Variants in TSPAN33 observed in about 807,000 individuals in gnomAD.
TSPAN33 encodes tetraspanin-33.
In TSPAN33, 27 loss-of-function variants were observed where a neutral mutation model predicts 34.8. The ratio of observed to expected loss-of-function variants is 0.78; its 90% CI spans 0.57 to 1.07. The LOEUF (loss-of-function observed/expected upper bound fraction) is 1.07, where lower values mean the gene tolerates loss of function less well. Among genes scored for constraint, TSPAN33 ranks in the 50% least tolerant of loss-of-function variants. The pLI, the probability that TSPAN33 is intolerant of heterozygous loss-of-function variation, is 0.00. For synonymous variants in TSPAN33, 119 were observed against 124.2 expected, an observed-to-expected ratio of 0.96 and a Z score of 0.28; for missense variants, 272 against 324.9, an observed-to-expected ratio of 0.84 and a Z score of 1.25.
chr7:129,157,972 A>G (rs1404671828), intron 1 of TSPAN33, among the ~76,000 whole-genome samples: 1 of 152,224 alleles, frequency 6.6e-6, no homozygotes, highest in Non-Finnish European at 1.5e-5. Flanking sequence ...GCTAAAATCA[A>G]ACAGATCTCG....
At chr7:129,160,115 G>C (rs1338677968) in intron 1 of TSPAN33, among the ~76,000 whole-genome samples, 2 of 152,202 alleles carry the variant, frequency 1.3e-5, no homozygotes, top group Admixed American at 6.5e-5. Flanking sequence ...TTTAGATAAA[G>C]GTTTGCCATT....
intron 1 of TSPAN33, among the ~76,000 whole-genome samples, chr7:129,147,880 G>T (rs910615468): frequency 1.3e-5 from 2 of 152,170 alleles, no homozygotes; most frequent in African/African-American, 2.4e-5. Context: ...AATTTTGGGG[G>T]ACTGGGACCA....
intron 1 of TSPAN33, among the ~76,000 whole-genome samples, chr7:129,154,961 A>G (rs1209184193): frequency 6.6e-6 from 1 of 152,238 alleles, no homozygotes; most frequent in Admixed American, 6.5e-5. Context: ...CTGCACTCCC[A>G]TGTTACTGCA....
intron 1 of TSPAN33, among the ~76,000 whole-genome samples, chr7:129,146,231 G>T (rs762435165): frequency 6.6e-6 from 1 of 152,154 alleles, no homozygotes; most frequent in Non-Finnish European, 1.5e-5. Flanking sequence ...CAGGGCCCGT[G>T]GGGTGAGGTG....
At chr7:129,145,221 A>G in intron 1 of TSPAN33, 139 bp downstream of exon 1, 1 of 448,462 alleles carries the variant, frequency 2.2e-6, no homozygotes, top group Non-Finnish European at 4.0e-6. Flanking sequence ...TATCCTGGGG[A>G]GGGACACCCC....
chr7:129,145,487 C>G (rs1200789163), intron 1 of TSPAN33, among the ~76,000 whole-genome samples: 1 of 151,994 alleles, frequency 6.6e-6, no homozygotes, highest in African/African-American at 2.4e-5. Flanking sequence ...ACCCAAACCT[C>G]TCTCTCCACC....
intron 1 of TSPAN33, among the ~76,000 whole-genome samples, chr7:129,147,157 T>TA (rs1419253136): frequency 2.6e-5 from 4 of 152,070 alleles, no homozygotes; most frequent in African/African-American, 9.7e-5. Context: ...AGTAGACTCA[T>TA]AAAAAATCAG....
At chr7:129,160,839 A>G (rs982639184) in intron 1 of TSPAN33, among the ~76,000 whole-genome samples, 25 of 152,362 alleles carry the variant, frequency 1.6e-4, no homozygotes, top group African/African-American at 5.0e-4. Context: ...TTCGAATTCA[A>G]AACTTTTCCA....
intron 1 of TSPAN33, among the ~76,000 whole-genome samples, chr7:129,151,913 G>T (rs1342458790): frequency 2.0e-5 from 3 of 152,168 alleles, no homozygotes; most frequent in African/African-American, 7.2e-5. Context: ...TAATATGTTT[G>T]CCTCCTCACA....
chr7:129,161,795 C>T, intron 2 of TSPAN33, 59 bp downstream of exon 2: 4 of 1,603,624 alleles, frequency 2.5e-6, no homozygotes, highest in Non-Finnish European at 3.4e-6. Flanking sequence ...TCCCCTCTGC[C>T]TCCTTCAGCC....
intron 1 of TSPAN33, among the ~76,000 whole-genome samples, chr7:129,154,104 GT>G: frequency 6.6e-6 from 1 of 152,182 alleles, no homozygotes; most frequent in East Asian, 1.9e-4. Context: ...GACCAATGAG[GT>G]AGGATCACCA....
intron 1 of TSPAN33, among the ~76,000 whole-genome samples, chr7:129,155,656 GTT>G (rs34953537): frequency 1.3e-5 from 2 of 149,604 alleles, no homozygotes; most frequent in Non-Finnish European, 3.0e-5. Flanking sequence ...CACTTTATTG[GTT>G]TTTTTTTTCA....
chr7:129,160,163 A>G (rs934169787), intron 1 of TSPAN33, among the ~76,000 whole-genome samples: 1 of 152,228 alleles, frequency 6.6e-6, no homozygotes, highest in African/African-American at 2.4e-5. Context: ...GCCAGATGGC[A>G]GAGGACCTTC....
Position 129,167,552 on chromosome 7 carries a change from A to G in TSPAN33, c.742A>G (p.Ile248Val). The G allele has an allele frequency of 6.2e-7, 1 of 1,613,836 alleles. No individual in the cohort carries two copies. Among genetic ancestry groups the G allele is most frequent in the Non-Finnish European group, 8.5e-7 (1 of 1,179,798 alleles). ...LLGGVALGLA[I>V]PQLVGILLSQ... Reference sequence around the variant, plus strand: ...TGGTGGTGTGGCTCTAGGCCTGGCCATCCCCCAGGTAACTTACCCTGTGAG... The same window carrying G: ...TGGTGGTGTGGCTCTAGGCCTGGCCGTCCCCCAGGTAACTTACCCTGTGAG... Residue 248 changes from isoleucine to valine, a missense_variant, in exon 7 of 8, where the codon ATC (isoleucine) becomes GTC (valine). Coordinates refer to ENST00000486685, the MANE Select transcript of TSPAN33 (RefSeq NM_178562.5). This position sits in a 1 kb window ranked among gnomAD's most constrained non-coding sequence, Gnocchi z 4.6.
chr7:129,153,439 TAA>T (rs554989781), intron 1 of TSPAN33, among the ~76,000 whole-genome samples: 225 of 152,260 alleles, frequency 1.5e-3, no homozygotes, highest in Non-Finnish European at 2.8e-3. Context: ...GTCAGTGTCT[TAA>T]AGACCAAAAA....
At chr7:129,150,554 A>G (rs1810579658) in intron 1 of TSPAN33, among the ~76,000 whole-genome samples, 1 of 152,212 alleles carries the variant, frequency 6.6e-6, no homozygotes, top group African/African-American at 2.4e-5. Flanking sequence ...ATCCAGACCT[A>G]GGTTCCATTC....
chr7:129,148,400 G>A lies in TSPAN33; in HGVS notation c.102+3318G>A, dbSNP rs1477545096. On this transcript the variant is annotated intron_variant, in intron 1 of 7. Coordinates refer to ENST00000486685, the MANE Select transcript of TSPAN33 (RefSeq NM_178562.5). This position sits in a 1 kb window ranked among gnomAD's most constrained non-coding sequence, Gnocchi z 4.2. ...CCCCTCTAGACTTCGGGCTCTCGAGGGTGGGCACGGCCCTATTCACTTCTG... is the reference window on the plus strand; with the variant it reads ...CCCCTCTAGACTTCGGGCTCTCGAGAGTGGGCACGGCCCTATTCACTTCTG... Among the ~76,000 whole-genome samples the A allele has an allele frequency of 1.3e-5, 2 of 152,212 alleles. No homozygotes were observed. The highest frequency in any genetic ancestry group is 4.8e-5 in the African/African-American group (2 of 41,438).
Position 129,167,641 on chromosome 7 carries a change from C to G in TSPAN33, c.750+81C>G, listed in dbSNP as rs1022402389. ...TTTGGGGAAGGCACCTGGGGATCAG[C>G]GAGGGTGTCAGGCACTGACATGGCT... On this transcript the variant is annotated intron_variant, in intron 7 of 7. Transcript: ENST00000486685. The surrounding 1 kb of genome is among the most constrained non-coding windows in gnomAD (Gnocchi z 4.6). The G allele has an allele frequency of 6.4e-7, 1 of 1,571,642 alleles. No homozygotes were observed. The highest frequency in any genetic ancestry group is 1.3e-5 in the African/African-American group (1 of 74,238).
chr7:129,153,447 A>ACTGACTTT, intron 1 of TSPAN33, among the ~76,000 whole-genome samples: 1 of 152,230 alleles, frequency 6.6e-6, no homozygotes, highest in Middle Eastern at 3.2e-3. Context: ...CTTAAAGACC[A>ACTGACTTT]AAAACAAAGG....
Sources: allele counts gnomAD v4.1 joint callset (sites outside exome capture counted in the v4.1 genomes callset), GRCh38; gene constraint gnomAD v4.1.1; non-coding constraint Gnocchi (gnomAD v3.1); transcripts MANE v1.5; gene names NCBI Gene and HGNC (gene_info 2026-07-23, HGNC 2026-07-21).